Variants in PTPN13 observed in about 807,000 individuals in gnomAD.
The protein encoded by PTPN13 is protein tyrosine phosphatase non-receptor type 13, also known as tyrosine-protein phosphatase non-receptor type 13.
A neutral mutation model predicts 284.0 loss-of-function variants in PTPN13; 191 were observed. The observed-to-expected ratio is 0.67, with a 90% CI of 0.60 to 0.76. The LOEUF (loss-of-function observed/expected upper bound fraction) is 0.76, where lower values mean the gene tolerates loss of function less well. Ranked by LOEUF, PTPN13 falls within the 30% of genes least tolerant of loss-of-function variation. The probability of loss-of-function intolerance (pLI) is 0.00; values close to 1 mark genes in which losing one functional copy is unlikely to be tolerated. For synonymous variants in PTPN13, 986 were observed against 1,022.3 expected, an observed-to-expected ratio of 0.96 and a Z score of 0.68; for missense variants, 2,797 against 2,939.9, an observed-to-expected ratio of 0.95 and a Z score of 1.12.
intron 16 of PTPN13, among the ~76,000 whole-genome samples, chr4:86,742,953 T>C (rs575539859): frequency 9.2e-5 from 14 of 152,328 alleles, no homozygotes; most frequent in African/African-American, 3.4e-4. Flanking sequence ...TTTGTGGGAA[T>C]AGAGAATAGT....
At chr4:86,604,730 T>G (rs1315961200) in intron 1 of PTPN13, among the ~76,000 whole-genome samples, 1 of 152,046 alleles carries the variant, frequency 6.6e-6, no homozygotes, top group African/African-American at 2.4e-5. Flanking sequence ...TACATTTATT[T>G]TTTTAATATC....
intron 26 of PTPN13, among the ~76,000 whole-genome samples, chr4:86,765,750 A>G (rs1050640582): frequency 3.4e-4 from 52 of 152,176 alleles, no homozygotes; most frequent in African/African-American, 1.1e-3. Flanking sequence ...ATATCTAGAC[A>G]GTGCTTTCAT....
At chr4:86,737,504 TA>T (rs1735658852) in intron 15 of PTPN13, among the ~76,000 whole-genome samples, 1 of 151,988 alleles carries the variant, frequency 6.6e-6, no homozygotes, top group African/African-American at 2.4e-5. Context: ...AAGCCTGAAA[TA>T]TTTACTATCT....
intron 7 of PTPN13, among the ~76,000 whole-genome samples, chr4:86,711,410 T>A (rs575919290): frequency 6.6e-6 from 1 of 152,274 alleles, no homozygotes; most frequent in African/African-American, 2.4e-5. Context: ...TATATTGATA[T>A]AAGTTTTATG....
chr4:86,736,243 A>G (rs1223583135), intron 15 of PTPN13, among the ~76,000 whole-genome samples: 1 of 152,212 alleles, frequency 6.6e-6, no homozygotes, highest in South Asian at 2.1e-4. Context: ...TTACAGTTCT[A>G]TTAGTTCTAC....
At chr4:86,749,915 T>C (rs1737194211) in intron 17 of PTPN13, among the ~76,000 whole-genome samples, 1 of 152,202 alleles carries the variant, frequency 6.6e-6, no homozygotes, top group African/African-American at 2.4e-5. Flanking sequence ...ATTATTGAGA[T>C]ACAATTCAAT....
At chr4:86,810,083 G>A in intron 46 of PTPN13, 99 bp downstream of exon 46, 1 of 875,450 alleles carries the variant, frequency 1.1e-6, no homozygotes, top group East Asian at 2.8e-5. Context: ...TTTAACTTAT[G>A]AGTTTATATG....
In PTPN13 at chr4:86,757,142, CAT is replaced by C. The variant is rs371704824; in HGVS notation, c.3224-1115_3224-1114del. On this transcript the variant is annotated intron_variant, in intron 20 of 47. Coordinates refer to ENST00000411767, the MANE Select transcript of PTPN13 (RefSeq NM_080683.3). ...CTTGATAAACATGTCAATTAAGTGT[CAT>C]ATTTATTGGTTTCAGAAGTTAATTG... is the stretch of plus-strand genomic sequence containing the variant. Among the ~76,000 whole-genome samples the C allele has an allele frequency of 5.7e-3, 874 of 152,198 alleles. 14 individuals are homozygous for C. Among genetic ancestry groups the C allele is most frequent in the African/African-American group, 0.02 (812 of 41,512 alleles).
chr4:86,721,151 A>G (rs1733609300), intron 9 of PTPN13, among the ~76,000 whole-genome samples: 2 of 152,098 alleles, frequency 1.3e-5, no homozygotes, highest in African/African-American at 2.4e-5. Context: ...AGAGATAACA[A>G]TGATAATTAT....
In PTPN13 at chr4:86,785,508, TTTG is replaced by T. The variant is rs1023657791; in HGVS notation, c.6256+143_6256+145del. 36 of 787,328 alleles carry T rather than the reference TTTG, an allele frequency of 4.6e-5. No individual in the cohort carries two copies. The African/African-American group carries it at 6.2e-4, about 14-fold the overall frequency. The allele number at this position is 787,328 out of a possible 1,614,324, so 48.8% of individuals were successfully genotyped here. ...GTAATATTTCAGAAACAAAACAGAA[TTTG>T]TTATCTCCTATTTTTTTTATTTTCC... On this transcript the variant is annotated intron_variant, in intron 39 of 47. Transcript: ENST00000411767.
intron 10 of PTPN13, among the ~76,000 whole-genome samples, chr4:86,722,986 G>A (rs13111757): frequency 0.082 from 12,454 of 152,134 alleles, 648 homozygotes; most frequent in Non-Finnish European, 0.11. Flanking sequence ...TATCTTGTGG[G>A]TGGATATTTT....
intron 5 of PTPN13, among the ~76,000 whole-genome samples, chr4:86,690,977 T>C (rs1188786541): frequency 6.6e-6 from 1 of 152,076 alleles, no homozygotes; most frequent in African/African-American, 2.4e-5. Flanking sequence ...AATTATAAAA[T>C]GAAAGAAGGC....
At chr4:86,802,906 T>C (rs1301944441) in intron 42 of PTPN13, among the ~76,000 whole-genome samples, 1 of 151,862 alleles carries the variant, frequency 6.6e-6, no homozygotes, top group Non-Finnish European at 1.5e-5. Context: ...ACCCCATCTC[T>C]ACAAAAAAAT....
At chr4:86,638,769 G>C (rs527637866) in intron 2 of PTPN13, among the ~76,000 whole-genome samples, 59 of 152,106 alleles carry the variant, frequency 3.9e-4, no homozygotes, top group Non-Finnish European at 5.9e-5. Flanking sequence ...CATAGGCATG[G>C]GCAAGGACTT....
chr4:86,803,211 C>A (rs1413973787), intron 42 of PTPN13, among the ~76,000 whole-genome samples: 1 of 150,230 alleles, frequency 6.7e-6, no homozygotes, highest in African/African-American at 2.4e-5. Flanking sequence ...TATATACACA[C>A]ACATATATAC....
chr4:86,767,343 T>G (rs1254674051), intron 27 of PTPN13, among the ~76,000 whole-genome samples: 2 of 150,096 alleles, frequency 1.3e-5, no homozygotes. Flanking sequence ...CCTCCCAGAG[T>G]CAAGCAATTC....
intron 47 of PTPN13, 61 bp downstream of exon 47, chr4:86,811,169 T>A: frequency 6.7e-7 from 1 of 1,486,766 alleles, no homozygotes; most frequent in African/African-American, 1.4e-5. Flanking sequence ...TTTTTTAAGG[T>A]TCTTATTAAA....
chr4:86,672,626 C>T (rs1396243295), intron 3 of PTPN13, 83 bp downstream of exon 3: 14 of 1,107,236 alleles, frequency 1.3e-5, no homozygotes, highest in Non-Finnish European at 1.5e-5. Flanking sequence ...TGTTTCAACC[C>T]TCTGAAAAAT....
chr4:86,774,264 C>A, intron 32 of PTPN13, 109 bp from the exon 33 acceptor site: 1 of 1,089,018 alleles, frequency 9.2e-7, no homozygotes, highest in Non-Finnish European at 1.3e-6. Flanking sequence ...AGTTAAGTAA[C>A]CTTTTAAGGT....
Sources: allele counts gnomAD v4.1 joint callset (sites outside exome capture counted in the v4.1 genomes callset), GRCh38; gene constraint gnomAD v4.1.1; transcripts MANE v1.5; gene names NCBI Gene and HGNC (gene_info 2026-07-23, HGNC 2026-07-21).